The following DYM variants were observed in gnomAD, a reference collection of about 807,000 sequenced individuals.
DYM encodes dyggve-Melchior-Clausen syndrome protein.
Under a neutral mutation model 93.1 loss-of-function variants are expected in DYM, and 78 were observed. That is an observed-to-expected ratio of 0.84 (90% confidence interval 0.70 to 1.01). The LOEUF (loss-of-function observed/expected upper bound fraction) is 1.01. Among genes scored for constraint, DYM ranks in the 50% least tolerant of loss-of-function variants. DYM has a pLI of 0.00. For synonymous variants in DYM, 321 were observed against 319.7 expected (o/e 1.00, Z -0.04); for missense variants, 789 against 845.0 (o/e 0.93, Z 0.82).
chr18:49,092,707 A>G (rs2079156902), intron 17 of DYM, among the ~76,000 whole-genome samples: 1 of 152,184 alleles, frequency 6.6e-6, no homozygotes, highest in South Asian at 2.1e-4. Context: ...GATGATGATG[A>G]TGCAAATTAA....
chr18:49,074,913 G>T (rs1411717876), intron 17 of DYM, among the ~76,000 whole-genome samples: 2 of 152,216 alleles, frequency 1.3e-5, no homozygotes, highest in Admixed American at 1.3e-4. Flanking sequence ...TTGCACAGAA[G>T]ACAGAGAAGG....
intron 5 of DYM, among the ~76,000 whole-genome samples, chr18:49,372,306 A>G (rs1599742289): frequency 1.3e-5 from 2 of 152,256 alleles, no homozygotes; most frequent in East Asian, 1.9e-4. Context: ...AAAAAGGGCT[A>G]AAGTAGAAAT....
chr18:49,418,912 CCTCTATCATGTAAACT>C (rs1010781305), intron 2 of DYM, among the ~76,000 whole-genome samples: 1 of 152,162 alleles, frequency 6.6e-6, no homozygotes, highest in African/African-American at 2.4e-5. Context: ...ACAAATGAAA[CCTCTATCATGTAAACT>C]CACTTGTGGC....
chr18:49,455,276 A>C (rs977039773), intron 1 of DYM, among the ~76,000 whole-genome samples: 1 of 152,140 alleles, frequency 6.6e-6, no homozygotes, highest in Non-Finnish European at 1.5e-5. Flanking sequence ...TAACTGCCTA[A>C]CATCTATCAC....
At chr18:49,309,839 T>C (rs749673850) in intron 8 of DYM, among the ~76,000 whole-genome samples, 10 of 151,968 alleles carry the variant, frequency 6.6e-5, no homozygotes, top group Non-Finnish European at 1.2e-4. Flanking sequence ...CCAACATAAA[T>C]CTCCCTGAAG....
intron 8 of DYM, among the ~76,000 whole-genome samples, chr18:49,293,993 T>C (rs1568192068): frequency 6.6e-6 from 1 of 152,210 alleles, no homozygotes; most frequent in East Asian, 1.9e-4. Context: ...AATTTTTGTA[T>C]AAGGTGTAAG....
intron 1 of DYM, among the ~76,000 whole-genome samples, chr18:49,446,619 A>G (rs767536825): frequency 4.6e-5 from 7 of 152,204 alleles, no homozygotes; most frequent in Non-Finnish European, 8.8e-5. Flanking sequence ...CTGAGTGCCC[A>G]CTATGTGGCC....
In DYM at chr18:49,257,193, T is replaced by G. The variant is rs916113531; in HGVS notation, c.1366-89A>C. On this transcript the variant is annotated intron_variant, in intron 12 of 17. Transcript: ENST00000675505. Reference sequence around the variant, plus strand: ...ACTATTAATAGAAGCAAATGTAAACTCAGTTGTCACTGATTTTAGAAAGTT... The same window carrying G: ...ACTATTAATAGAAGCAAATGTAAACGCAGTTGTCACTGATTTTAGAAAGTT... The G allele has an allele frequency of 4.6e-5, 46 of 990,746 alleles. No individual in the cohort carries two copies. In the East Asian group the frequency reaches 1.1e-3, roughly 24 times the overall value. 61.4% of individuals were successfully genotyped at this position (990,746 alleles called of 1,614,324 possible). A position where few individuals can be genotyped will look rare whatever the true frequency, so the allele number is the denominator to read the frequency against.
In DYM at chr18:49,176,149, A is replaced by G. The variant is rs190702396; in HGVS notation, c.1626-12362T>C. On this transcript the variant is annotated intron_variant, in intron 14 of 17. Transcript: ENST00000675505. ...TCCCCTAGCTAAGGTAACTAAAGTCAAAATGTGGAAGACATAGAAAGAAAA... is the reference window on the plus strand; with the variant it reads ...TCCCCTAGCTAAGGTAACTAAAGTCGAAATGTGGAAGACATAGAAAGAAAA... Among the ~76,000 whole-genome samples, 388 of 152,312 alleles carry G rather than the reference A, an allele frequency of 2.5e-3. 2 individuals carry two copies. Among genetic ancestry groups the G allele is most frequent in the Middle Eastern group, 0.01 (3 of 294 alleles).
intron 15 of DYM, among the ~76,000 whole-genome samples, chr18:49,130,470 A>G (rs977511053): frequency 2.0e-5 from 3 of 152,216 alleles, no homozygotes; most frequent in African/African-American, 7.2e-5. Context: ...CTGAGTCCAT[A>G]AGTCCATATT....
chr18:49,315,590 T>C (rs972632452), intron 8 of DYM, among the ~76,000 whole-genome samples: 1 of 152,228 alleles, frequency 6.6e-6, no homozygotes, highest in African/African-American at 2.4e-5. Context: ...TGCTCTGCAC[T>C]GACTACATGA....
At chr18:49,045,888 G>T (rs2071426010) in intron 17 of DYM, among the ~76,000 whole-genome samples, 1 of 152,144 alleles carries the variant, frequency 6.6e-6, no homozygotes, top group African/African-American at 2.4e-5. Flanking sequence ...GGGCCTGAAG[G>T]CTAAGGCATG....
intron 13 of DYM, among the ~76,000 whole-genome samples, chr18:49,215,833 G>A (rs963271591): frequency 2.0e-5 from 3 of 152,170 alleles, no homozygotes; most frequent in South Asian, 2.1e-4. Flanking sequence ...TGCAGAAGAC[G>A]GGTGATTTCT....
At chr18:49,344,154 T>C (rs1185047262) in intron 6 of DYM, among the ~76,000 whole-genome samples, 3 of 152,142 alleles carry the variant, frequency 2.0e-5, no homozygotes, top group Admixed American at 6.5e-5. Context: ...GAACCCAAAT[T>C]TGGGTTCTAC....
chr18:49,259,954 T>C (rs2094463792), intron 11 of DYM, among the ~76,000 whole-genome samples: 1 of 152,132 alleles, frequency 6.6e-6, no homozygotes, highest in Non-Finnish European at 1.5e-5. Flanking sequence ...AACAGACCTC[T>C]AATTAAAGAG....
intron 13 of DYM, among the ~76,000 whole-genome samples, chr18:49,212,376 A>C (rs2146168824): frequency 6.6e-6 from 1 of 152,340 alleles, no homozygotes; most frequent in South Asian, 2.1e-4. Flanking sequence ...CATGTCTGTA[A>C]ACTTATTCTC....
At chr18:49,286,757 C>G in intron 8 of DYM, 141 bp from the exon 9 acceptor site, 1 of 809,052 alleles carries the variant, frequency 1.2e-6, no homozygotes, top group Non-Finnish European at 2.0e-6. Context: ...ATACATTTCA[C>G]AAGGCCAGAA....
rs940941997 is a variant in DYM at position 49,036,576 on chromosome 18, G to A, written c.*7479C>T. On this transcript the variant is annotated 3_prime_UTR_variant, in exon 18 of 18. Transcript: ENST00000675505. Reference sequence around the variant, plus strand: ...TATGTATACATATTTTTGAGACACGGTCTCTCACTCCATTGCCCAGGCTGG... The same window carrying A: ...TATGTATACATATTTTTGAGACACGATCTCTCACTCCATTGCCCAGGCTGG... Among the ~76,000 whole-genome samples, 10 of 152,006 alleles carry A rather than the reference G, an allele frequency of 6.6e-5. No individual in the cohort carries two copies. Among genetic ancestry groups the A allele is most frequent in the African/African-American group, 2.4e-4 (10 of 41,374 alleles).
chr18:49,252,808 T>A (rs2094318376), intron 13 of DYM, among the ~76,000 whole-genome samples: 1 of 152,218 alleles, frequency 6.6e-6, no homozygotes, highest in Admixed American at 6.5e-5. Flanking sequence ...GTAAATGGTA[T>A]CTTTCTAATC....
Sources: allele counts gnomAD v4.1 joint callset (sites outside exome capture counted in the v4.1 genomes callset), GRCh38; gene constraint gnomAD v4.1.1; transcripts MANE v1.5; gene names NCBI Gene and HGNC (gene_info 2026-07-23, HGNC 2026-07-21).